The following ACER2 variants were observed in gnomAD, a reference collection of about 807,000 sequenced individuals.
ACER2 encodes the protein alkaline ceramidase 2, also known as alkCDase 2.
In ACER2, 26 loss-of-function variants were observed where a neutral mutation model predicts 34.7. The ratio of observed to expected loss-of-function variants is 0.75; its 90% confidence interval spans 0.55 to 1.04. ACER2 has a LOEUF of 1.04. Ranked by LOEUF, ACER2 falls within the 50% of genes least tolerant of loss-of-function variation. ACER2 has a pLI of 0.00. For synonymous variants in ACER2, 138 were observed against 132.1 expected, an observed-to-expected ratio of 1.04 and a Z score of -0.31; for missense variants, 352 against 340.8, an observed-to-expected ratio of 1.03 and a Z score of -0.26.
intron 3 of ACER2, 53 bp from the exon 4 acceptor site, chr9:19,434,894 A>C: frequency 6.2e-7 from 1 of 1,605,828 alleles, no homozygotes; most frequent in Non-Finnish European, 8.5e-7. Context: ...TAAACAAACA[A>C]ACAAACAAGA....
intron 4 of ACER2, among the ~76,000 whole-genome samples, chr9:19,444,297 C>T (rs545530772): frequency 6.6e-6 from 1 of 151,082 alleles, no homozygotes; most frequent in Non-Finnish European, 1.5e-5. Context: ...CTGCAAGCTC[C>T]GCCTCCCGGG....
At chr9:19,443,271 A>T (rs1460701933) in intron 4 of ACER2, among the ~76,000 whole-genome samples, 1 of 152,116 alleles carries the variant, frequency 6.6e-6, no homozygotes, top group African/African-American at 2.4e-5. Context: ...TGAACTCGTG[A>T]TCCACCTGCT....
intron 3 of ACER2, among the ~76,000 whole-genome samples, chr9:19,426,317 TTTC>T (rs911268003): frequency 3.3e-5 from 5 of 150,966 alleles, no homozygotes; most frequent in African/African-American, 1.2e-4. Flanking sequence ...TCTTTCTTTC[TTTC>T]TTTTTCTTTC....
chr9:19,428,001 TTTTCCTTTTTCC>T (rs1273957015), intron 3 of ACER2, among the ~76,000 whole-genome samples: 44 of 85,258 alleles, frequency 5.2e-4, no homozygotes, highest in Admixed American at 8.4e-4. Context: ...TTCCTTTCCT[TTTTCCTTTTTCC>T]TTTCCTTTCC....
chr9:19,426,351 C>G (rs202191378), intron 3 of ACER2, among the ~76,000 whole-genome samples: 1 of 111,640 alleles, frequency 9.0e-6, no homozygotes, highest in South Asian at 3.1e-4. Flanking sequence ...TGTCTTTCTC[C>G]CTCTCTTTCT....
chr9:19,440,470 T>A (rs1264899553), intron 4 of ACER2, among the ~76,000 whole-genome samples: 1 of 152,162 alleles, frequency 6.6e-6, no homozygotes, highest in Admixed American at 6.5e-5. Flanking sequence ...TTAGTGCTTT[T>A]CTAAAAGAGG....
intron 5 of ACER2, chr9:19,450,188 C>T: frequency 1.0e-6 from 1 of 985,360 alleles, no homozygotes. Flanking sequence ...GGCCCAAAGG[C>T]ATTTATTTGC....
intron 4 of ACER2, among the ~76,000 whole-genome samples, chr9:19,442,715 G>T (rs1305806111): frequency 1.3e-5 from 2 of 152,086 alleles, no homozygotes; most frequent in African/African-American, 2.4e-5. Flanking sequence ...CAGACTAATT[G>T]TCTATGTATT....
chr9:19,410,307 G>A (rs954234452), intron 1 of ACER2, among the ~76,000 whole-genome samples: 2 of 152,220 alleles, frequency 1.3e-5, no homozygotes. Flanking sequence ...TGGCATGGCT[G>A]GGGCCACAAT....
At chr9:19,434,452 G>T (rs1830889169) in intron 3 of ACER2, among the ~76,000 whole-genome samples, 1 of 152,254 alleles carries the variant, frequency 6.6e-6, no homozygotes, top group Non-Finnish European at 1.5e-5. Flanking sequence ...AGCGAGCCGA[G>T]ATCACGCCAC....
chr9:19,427,045 C>T (rs1830593164), intron 3 of ACER2, among the ~76,000 whole-genome samples: 1 of 152,184 alleles, frequency 6.6e-6, no homozygotes, highest in Non-Finnish European at 1.5e-5. Flanking sequence ...GTGTATATAT[C>T]CCTGGCTTTG....
At chr9:19,436,648 T>C (rs1830987438) in intron 4 of ACER2, among the ~76,000 whole-genome samples, 1 of 152,178 alleles carries the variant, frequency 6.6e-6, no homozygotes, top group African/African-American at 2.4e-5. Flanking sequence ...TAGTCCTCCT[T>C]CTCTGTAAAT....
At chr9:19,428,573 G>A (rs1426748192) in intron 3 of ACER2, among the ~76,000 whole-genome samples, 1 of 151,696 alleles carries the variant, frequency 6.6e-6, no homozygotes, top group Non-Finnish European at 1.5e-5. Flanking sequence ...CAGACAACAT[G>A]GCTTTGAATA....
At chr9:19,415,847 A>C (rs1006269183) in intron 1 of ACER2, among the ~76,000 whole-genome samples, 13 of 152,116 alleles carry the variant, frequency 8.5e-5, no homozygotes, top group Admixed American at 3.3e-4. Context: ...AAAATGGCTA[A>C]ACTGCTCCCA....
At chr9:19,411,436 G>C (rs1341037772) in intron 1 of ACER2, among the ~76,000 whole-genome samples, 1 of 152,122 alleles carries the variant, frequency 6.6e-6, no homozygotes, top group African/African-American at 2.4e-5. Flanking sequence ...CCAGGCTTGA[G>C]TGCTGTGGTG....
intron 2 of ACER2, 26 bp downstream of exon 2, chr9:19,424,002 G>A: frequency 6.5e-7 from 1 of 1,527,574 alleles, no homozygotes; most frequent in Non-Finnish European, 9.1e-7. Flanking sequence ...TGGGAACACG[G>A]ACTTAATGGG....
chr9:19,414,418 T>C (rs1184652222), intron 1 of ACER2, among the ~76,000 whole-genome samples: 1 of 152,248 alleles, frequency 6.6e-6, no homozygotes, highest in Non-Finnish European at 1.5e-5. Flanking sequence ...AGTATGTTCA[T>C]GAGATTATTT....
chr9:19,434,469 C>G, intron 3 of ACER2, among the ~76,000 whole-genome samples: 1 of 152,258 alleles, frequency 6.6e-6, no homozygotes, highest in Non-Finnish European at 1.5e-5. Flanking sequence ...CCACTGCACT[C>G]CAGCCTGGGC....
rs201281494 is a variant in ACER2, at chr9:19,430,993, A to AAAC, written c.366-3939_366-3937dup. Reference sequence around the variant, plus strand: ...AAAAAACAAAAAACCCAACAAAACCAAACAACAACAACAACAAAAACCCAT... The same window carrying AAAC: ...AAAAAACAAAAAACCCAACAAAACCAAACAACAACAACAACAACAAAAACCCAT... On this transcript the variant is annotated intron_variant, in intron 3 of 5. Transcript: ENST00000340967. 3.1e-4 allele frequency among the ~76,000 whole-genome samples: 46 copies of AAAC among 147,786 alleles called. No homozygotes were observed. The East Asian group carries it at 4.1e-3, about 13-fold the overall frequency.
Sources: allele counts gnomAD v4.1 joint callset (sites outside exome capture counted in the v4.1 genomes callset), GRCh38; gene constraint gnomAD v4.1.1; transcripts MANE v1.5; gene names NCBI Gene and HGNC (gene_info 2026-07-23, HGNC 2026-07-21).